NAV3: variants seen among roughly 807,000 people sequenced by gnomAD.
The protein encoded by NAV3 is pore membrane and/or filament interacting like protein 1.
A neutral mutation model predicts 244.7 loss-of-function variants in NAV3; 87 were observed. That is an observed-to-expected ratio of 0.36 (90% CI 0.30 to 0.42). The LOEUF (loss-of-function observed/expected upper bound fraction) is 0.42. NAV3 is among the 20% of genes least tolerant of loss of function. The probability of loss-of-function intolerance (pLI) is 1.00; values close to 1 mark genes in which losing one functional copy is unlikely to be tolerated. For missense variants in NAV3, 2,663 were observed against 2,893.3 expected (o/e 0.92, Z 1.83); for synonymous variants, 1,126 against 1,042.2 (o/e 1.08, Z -1.55).
intron 2 of NAV3, among the ~76,000 whole-genome samples, chr12:77,674,522 T>A (rs1874123806): frequency 1.3e-5 from 2 of 152,090 alleles, no homozygotes; most frequent in Admixed American, 6.5e-5. Context: ...AGCAAGTAGC[T>A]GGCACTACAG....
At chr12:77,843,694 T>C (rs1876114145) in intron 1 of NAV3, among the ~76,000 whole-genome samples, 1 of 152,170 alleles carries the variant, frequency 6.6e-6, no homozygotes, top group South Asian at 2.1e-4. Context: ...GGTCTGGATG[T>C]AATTGTTTTA....
chr12:77,622,994 A>C (rs1470262470), intron 2 of NAV3, among the ~76,000 whole-genome samples: 1 of 152,142 alleles, frequency 6.6e-6, no homozygotes, highest in Non-Finnish European at 1.5e-5. Flanking sequence ...CCTGTAATAC[A>C]ATCTTTTGTT....
intron 2 of NAV3, among the ~76,000 whole-genome samples, chr12:77,763,873 C>T (rs1869612854): frequency 6.6e-6 from 1 of 152,156 alleles, no homozygotes. Context: ...TAAAACACCC[C>T]ATCCAGATAG....
rs1956039913 is a variant in NAV3 at position 78,128,831 on chromosome 12, C to A, written c.4406C>A (p.Ser1469Tyr). The change falls in exon 18 of 40, where the codon TCT (serine) becomes TAT (tyrosine). Residue 1469 changes from serine to tyrosine, a missense_variant. Ser to Tyr is a moderately radical substitution (Grantham distance 144, BLOSUM62 -2). Around this residue, in one of 6 missense-constraint regions of NAV3, gnomAD observed 354 missense variants for 413.0 expected, o/e 0.86. Transcript: ENST00000397909. ...SPLVSPSAMS[S>Y]SAAGKYHFSN... ...CTGGTTTCCCCTTCTGCCATGTCAT[C>A]TTCTGCAGCTGGAAAATACCACTTT... 1 of 1,613,822 alleles carries A rather than the reference C, an allele frequency of 6.2e-7. No individual in the cohort carries two copies. Among genetic ancestry groups the A allele is most frequent in the Admixed American group, 1.7e-5 (1 of 59,940 alleles).
intron 2 of NAV3, among the ~76,000 whole-genome samples, chr12:77,581,624 G>T (rs1869368349): frequency 6.6e-6 from 1 of 152,126 alleles, no homozygotes; most frequent in Non-Finnish European, 1.5e-5. Context: ...CTAGTTTCCA[G>T]TAAACTCGCC....
chr12:78,081,054 T>C (rs2137823512), intron 12 of NAV3, among the ~76,000 whole-genome samples: 1 of 151,396 alleles, frequency 6.6e-6, no homozygotes, highest in East Asian at 1.9e-4. Context: ...AATAGAGAAG[T>C]CAGAATTTGA....
chr12:78,159,334 C>T (rs771086773), intron 23 of NAV3, 48 bp downstream of exon 23: 3 of 1,456,462 alleles, frequency 2.1e-6, no homozygotes, highest in South Asian at 2.3e-5. Flanking sequence ...CAGCAAATTG[C>T]ATAGGATTCT....
At position 78,199,523 on chromosome 12, in the gene NAV3, T is replaced by G; in HGVS notation, c.6707T>G (p.Val2236Gly). The G allele has an allele frequency of 6.3e-7, 1 of 1,584,132 alleles. No homozygotes were observed. Among genetic ancestry groups the G allele is most frequent in the Non-Finnish European group, 8.6e-7 (1 of 1,168,534 alleles). Reference sequence around the variant, plus strand: ...TTGGAAACACACAGTTCTTCTGACGTTACCATTGGTGAGTTCCAAAATTAT... The same window carrying G: ...TTGGAAACACACAGTTCTTCTGACGGTACCATTGGTGAGTTCCAAAATTAT... ...SFLETHSSSD[V>G]TIGPRLFLPC... Residue 2236 changes from valine (V) to glycine (G), a missense_variant, in exon 37 of 40, where the codon GTT (valine) becomes GGT (glycine). Val to Gly is a moderately radical substitution (Grantham distance 109, BLOSUM62 -3). Around this residue, in one of 6 missense-constraint regions of NAV3, gnomAD observed 543 missense variants for 672.4 expected, o/e 0.81. Transcript: ENST00000397909.
chr12:77,933,064 T>A (rs1342638510), intron 1 of NAV3, among the ~76,000 whole-genome samples: 10 of 152,244 alleles, frequency 6.6e-5, no homozygotes, highest in Non-Finnish European at 1.0e-4. Flanking sequence ...CTTTTTGCTA[T>A]TTTTATTTAA....
intron 1 of NAV3, among the ~76,000 whole-genome samples, chr12:77,873,271 T>C (rs1188350717): frequency 1.3e-5 from 2 of 152,160 alleles, no homozygotes; most frequent in African/African-American, 4.8e-5. Context: ...ATTAATACAA[T>C]ACCCATTTCT....
intron 2 of NAV3, among the ~76,000 whole-genome samples, chr12:77,670,424 C>T (rs988312615): frequency 2.6e-5 from 4 of 152,034 alleles, no homozygotes; most frequent in African/African-American, 9.7e-5. Flanking sequence ...TGGGAATCCT[C>T]CCTACATCAT....
intron 2 of NAV3, among the ~76,000 whole-genome samples, chr12:77,679,480 TG>T (rs1206704211): frequency 6.6e-6 from 1 of 152,112 alleles, no homozygotes; most frequent in Non-Finnish European, 1.5e-5. Flanking sequence ...ATGTTGAGTT[TG>T]CTTCACTTGT....
intron 2 of NAV3, among the ~76,000 whole-genome samples, chr12:77,710,914 G>A (rs1876080737): frequency 6.6e-6 from 1 of 152,016 alleles, no homozygotes; most frequent in African/African-American, 2.4e-5. Flanking sequence ...TTAAAAAATT[G>A]TTTTACAAAT....
chr12:77,825,757 A>C (rs1014645125), intron 2 of NAV3, among the ~76,000 whole-genome samples: 6 of 152,130 alleles, frequency 3.9e-5, no homozygotes, highest in Non-Finnish European at 8.8e-5. Context: ...AGCAAGCTGA[A>C]GACTAGGACA....
At chr12:77,628,246 A>T (rs1332242939) in intron 2 of NAV3, among the ~76,000 whole-genome samples, 1 of 152,244 alleles carries the variant, frequency 6.6e-6, no homozygotes, top group African/African-American at 2.4e-5. Flanking sequence ...CAGGTATTAA[A>T]ATATCACATG....
At chr12:78,205,908 T>C (rs1212036904) in intron 39 of NAV3, among the ~76,000 whole-genome samples, 1 of 152,080 alleles carries the variant, frequency 6.6e-6, no homozygotes, top group Non-Finnish European at 1.5e-5. Context: ...GTTGCTTAAA[T>C]CAAACTAAGA....
At chr12:77,780,061 T>C (rs2135911197) in intron 2 of NAV3, among the ~76,000 whole-genome samples, 1 of 152,352 alleles carries the variant, frequency 6.6e-6, no homozygotes, top group East Asian at 1.9e-4. Context: ...TTTTCTATCT[T>C]ATTTCAGTTT....
chr12:78,058,064 TCA>T (rs1883778114), intron 11 of NAV3, among the ~76,000 whole-genome samples: 1 of 152,170 alleles, frequency 6.6e-6, no homozygotes, highest in African/African-American at 2.4e-5. Context: ...GTGGTGAGGA[TCA>T]CTTTAGATTC....
In NAV3 at chr12:77,757,942, C is replaced by T. The variant is rs567343967; in HGVS notation, c.73-182377C>T. Reference sequence around the variant, plus strand: ...TTTCACTCAGAATTAAGTAGAAGTTCTCTTTGTATCCTACAAACTTCAAAG... The same window carrying T: ...TTTCACTCAGAATTAAGTAGAAGTTTTCTTTGTATCCTACAAACTTCAAAG... On this transcript the variant is annotated intron_variant, in intron 2 of 8. Transcript: ENST00000550042. Among the ~76,000 whole-genome samples, 90 of 152,286 alleles carry T rather than the reference C, an allele frequency of 5.9e-4. 1 individual carries two copies. Among genetic ancestry groups the T allele is most frequent in the African/African-American group, 2.2e-3 (90 of 41,564 alleles).
Sources: allele counts gnomAD v4.1 joint callset (sites outside exome capture counted in the v4.1 genomes callset), GRCh38; gene constraint gnomAD v4.1.1; regional missense constraint gnomAD v4.1.1; transcripts MANE v1.5; gene names NCBI Gene and HGNC (gene_info 2026-07-23, HGNC 2026-07-21).